The following DYNC2H1 variants were observed in gnomAD, a reference collection of about 807,000 sequenced individuals.
DYNC2H1 encodes cytoplasmic dynein 2 heavy chain 1.
DYNC2H1 carries 410 observed loss-of-function variants against 570.0 expected under a neutral mutation model. The ratio of observed to expected loss-of-function variants is 0.72; its 90% CI spans 0.66 to 0.78. The LOEUF (loss-of-function observed/expected upper bound fraction) is 0.78, where lower values mean the gene tolerates loss of function less well. Among genes scored for constraint, DYNC2H1 ranks in the 30% least tolerant of loss-of-function variants. DYNC2H1 has a pLI of 0.00. For missense variants in DYNC2H1, 4,865 were observed against 5,046.4 expected (o/e 0.96, Z 1.09); for synonymous variants, 1,688 against 1,677.6 (o/e 1.01, Z -0.15).
At chr11:103,290,998 A>G (rs528539403) in intron 75 of DYNC2H1, among the ~76,000 whole-genome samples, 2 of 152,336 alleles carry the variant, frequency 1.3e-5, no homozygotes, top group South Asian at 2.1e-4. Flanking sequence ...CATTTCTCCA[A>G]AAGCAGCCAT....
At chr11:103,235,049 T>A (rs1864169255) in intron 61 of DYNC2H1, among the ~76,000 whole-genome samples, 1 of 151,906 alleles carries the variant, frequency 6.6e-6, no homozygotes, top group Non-Finnish European at 1.5e-5. Flanking sequence ...TATCCTCCTA[T>A]CTGACCCTTT....
At chr11:103,227,549 T>TAA (rs1163833390) in intron 59 of DYNC2H1, among the ~76,000 whole-genome samples, 4 of 152,194 alleles carry the variant, frequency 2.6e-5, no homozygotes, top group African/African-American at 9.7e-5. Flanking sequence ...GAGAGAGTAC[T>TAA]TGATATAATT....
chr11:103,343,236 C>T (rs1940153432), intron 82 of DYNC2H1, among the ~76,000 whole-genome samples: 1 of 152,134 alleles, frequency 6.6e-6, no homozygotes, highest in African/African-American at 2.4e-5. Context: ...GCAGAGCTCT[C>T]AAAGTTAAGT....
rs748084288 is a variant in DYNC2H1 at position 103,170,848 on chromosome 11, A to AT, written c.5152-32dup. On this transcript the variant is annotated intron_variant, in intron 33 of 88. Transcript: ENST00000375735. This position sits in a 1 kb window ranked among gnomAD's most constrained non-coding sequence, Gnocchi z 4.8. ...TTAAGTAGTTATGGAGATTTTGATTATTTTTTAATGACTATAATTTTTATT... is the reference window on the plus strand; with the variant it reads ...TTAAGTAGTTATGGAGATTTTGATTATTTTTTTAATGACTATAATTTTTATT... 1.4e-6 allele frequency: 2 copies of AT among 1,382,890 alleles called. No individual in the cohort carries two copies. Among genetic ancestry groups the AT allele is most frequent in the Admixed American group, 2.6e-5 (1 of 37,978 alleles). 85.7% of individuals were successfully genotyped at this position (1,382,890 alleles called of 1,614,324 possible).
At chr11:103,134,749 G>A (rs1859451852) in intron 15 of DYNC2H1, among the ~76,000 whole-genome samples, 1 of 151,950 alleles carries the variant, frequency 6.6e-6, no homozygotes, top group African/African-American at 2.4e-5. Context: ...AAAAAACAAA[G>A]TTAAGTTTAG....
rs539937893 is a variant in DYNC2H1 at position 103,189,531 on chromosome 11, C to T, written c.7293-141C>T. 1.0e-4 allele frequency: 80 copies of T among 765,122 alleles called. No homozygotes were observed. The African/African-American group carries it at 1.3e-3, about 13-fold the overall frequency. 47.4% of individuals were successfully genotyped at this position (765,122 alleles called of 1,614,324 possible). ...AATGGATCGGGGCGATGAGCCTAGT[C>T]TTAGCCCCCTGGGTAAGCTTTGGAG... is the stretch of plus-strand genomic sequence containing the variant. On this transcript the variant is annotated intron_variant, in intron 44 of 88. Coordinates refer to ENST00000375735, the MANE Select transcript of DYNC2H1 (RefSeq NM_001377.3). This position sits in a 1 kb window ranked among gnomAD's most constrained non-coding sequence, Gnocchi z 4.3.
In DYNC2H1 at chr11:103,116,584, G is replaced by T. The variant is rs1419356003; in HGVS notation, c.636G>T (p.Leu212Phe). Residue 212 changes from leucine (L) to phenylalanine (F), a missense_variant, in exon 5 of 89, where the codon TTG becomes TTT. By Grantham distance (22) the Leu-to-Phe change is conservative (BLOSUM62 0). Around this residue, in one of 5 missense-constraint regions of DYNC2H1, gnomAD observed 1,936 missense variants for 1,962.1 expected, o/e 0.99. Transcript: ENST00000375735. ...TTTTTTTCTAGGAGTTTTATAACTT[G>T]GACAGTCTATCCTTACTAGAAGTTG... ...FETIAREFYNLDSLSLLEVVD... is the reference protein window; with the variant it reads ...FETIAREFYNFDSLSLLEVVD... 4 of 1,582,710 alleles carry T rather than the reference G, an allele frequency of 2.5e-6. No individual in the cohort carries two copies. In the South Asian group the frequency reaches 4.7e-5, roughly 19 times the overall value.
intron 67 of DYNC2H1, 142 bp from the exon 68 acceptor site, chr11:103,255,964 A>C: frequency 1.6e-6 from 1 of 636,724 alleles, no homozygotes; most frequent in Non-Finnish European, 2.5e-6. Context: ...ATAAAACTTT[A>C]AGAGGGCTAT....
chr11:103,132,373 C>A (rs1349362241), intron 13 of DYNC2H1, among the ~76,000 whole-genome samples: 3 of 151,738 alleles, frequency 2.0e-5, no homozygotes, highest in African/African-American at 7.3e-5. Flanking sequence ...TTGAGATTTT[C>A]TGTTTTTCAC....
chr11:103,177,773 A>G lies in DYNC2H1; in HGVS notation c.6092A>G (p.Asp2031Gly), dbSNP rs752364736. Residue 2031 changes from aspartate to glycine, a missense_variant, in exon 38 of 89, where the codon GAT (aspartate) becomes GGT (glycine). Physicochemically the swap from Asp to Gly is moderately conservative, Grantham distance 94 (BLOSUM62 -1). Around this residue, in one of 5 missense-constraint regions of DYNC2H1, gnomAD observed 231 missense variants for 310.3 expected, o/e 0.74. Transcript: ENST00000375735. The surrounding 1 kb of genome is among the most constrained non-coding windows in gnomAD (Gnocchi z 4.4). ...HIDMDTREWS[D>G]GVLTNSARQV... is the part of the protein sequence containing the mutation. ...GACATGGACACAAGAGAATGGTCTG[A>G]TGGTGTTTTGACAAATAGTGCTCGT... 6.2e-7 allele frequency: 1 copy of G among 1,613,074 alleles called. No homozygotes were observed. The highest frequency in any genetic ancestry group is 2.2e-5 in the East Asian group (1 of 44,792).
In DYNC2H1 at chr11:103,153,391, A is replaced by G. The variant is rs767787701; in HGVS notation, c.3185A>G (p.Lys1062Arg). 2 of 1,555,134 alleles carry G rather than the reference A, an allele frequency of 1.3e-6. No homozygotes were observed. The highest frequency in any genetic ancestry group is 1.7e-6 in the Non-Finnish European group (2 of 1,148,888). Reference sequence around the variant, plus strand: ...TTTAAAGCTCGTTGGGACCAACTAAAGCCTGGTGATGATGTTATTGAAACT... The same window carrying G: ...TTTAAAGCTCGTTGGGACCAACTAAGGCCTGGTGATGATGTTATTGAAACT... ...EKFKARWDQL[K>R]PGDDVIETGQ... The change falls in exon 22 of 89, where the codon AAG (lysine) becomes AGG (arginine). Residue 1062 changes from lysine (K) to arginine (R), a missense_variant. By Grantham distance (26) the Lys-to-Arg change is conservative. Transcript: ENST00000375735.
chr11:103,260,012 T>A, intron 70 of DYNC2H1, 35 bp downstream of exon 70: 1 of 1,215,650 alleles, frequency 8.2e-7, no homozygotes, highest in South Asian at 1.5e-5. Context: ...TATAAAATAC[T>A]ACTTGTTCTG....
intron 65 of DYNC2H1, among the ~76,000 whole-genome samples, chr11:103,248,326 A>T (rs1342392922): frequency 1.3e-5 from 2 of 151,998 alleles, no homozygotes; most frequent in Non-Finnish European, 2.9e-5. Flanking sequence ...TGGAATTTGG[A>T]CCTATATGGA....
intron 83 of DYNC2H1, among the ~76,000 whole-genome samples, chr11:103,392,587 G>C (rs1230575970): frequency 6.6e-6 from 1 of 152,170 alleles, no homozygotes; most frequent in African/African-American, 2.4e-5. Context: ...CACGCTGGGA[G>C]CTTTAGACTG....
At chr11:103,143,898 A>G (rs1860098349) in intron 18 of DYNC2H1, among the ~76,000 whole-genome samples, 1 of 152,182 alleles carries the variant, frequency 6.6e-6, no homozygotes, top group African/African-American at 2.4e-5. Flanking sequence ...AATACTCACC[A>G]CTAGAACCAC....
At chr11:103,227,527 C>T (rs906571277) in intron 59 of DYNC2H1, among the ~76,000 whole-genome samples, 5 of 152,056 alleles carry the variant, frequency 3.3e-5, no homozygotes, top group African/African-American at 9.7e-5. Flanking sequence ...CAGTTTTATT[C>T]CACAGTGGTC....
In DYNC2H1 at chr11:103,384,367, T is replaced by C. The variant is rs1281085023; in HGVS notation, c.12157-15296T>C. Among the ~76,000 whole-genome samples, 3 of 152,156 alleles carry C rather than the reference T, an allele frequency of 2.0e-5. No homozygotes were observed. In the East Asian group the frequency reaches 5.8e-4, roughly 29 times the overall value. ...TTGCTAGATATATCCTAATTTATAC[T>C]TTTAACGTTAACTTTCTCGAGTTTT... On this transcript the variant is annotated intron_variant, in intron 83 of 88. Transcript: ENST00000375735.
rs904351484 is a variant in DYNC2H1, at chr11:103,275,492, C to T, written c.10696-4856C>T. Among the ~76,000 whole-genome samples, 2 of 152,128 alleles carry T rather than the reference C, an allele frequency of 1.3e-5. No individual in the cohort carries two copies. Among genetic ancestry groups the T allele is most frequent in the African/African-American group, 4.8e-5 (2 of 41,422 alleles). Reference sequence around the variant, plus strand: ...TCACTGCTCTTAAAATATTCTCTGCCTTATCATTCCTGCTCACTTAACCCC... The same window carrying T: ...TCACTGCTCTTAAAATATTCTCTGCTTTATCATTCCTGCTCACTTAACCCC... On this transcript the variant is annotated intron_variant, in intron 70 of 88. Coordinates refer to ENST00000375735, the MANE Select transcript of DYNC2H1 (RefSeq NM_001377.3). The surrounding 1 kb of genome is among the most constrained non-coding windows in gnomAD (Gnocchi z 4.8).
intron 85 of DYNC2H1, among the ~76,000 whole-genome samples, chr11:103,444,545 C>T (rs1944366698): frequency 6.6e-6 from 1 of 152,046 alleles, no homozygotes; most frequent in Non-Finnish European, 1.5e-5. Flanking sequence ...AATAACAGAT[C>T]CTGGCCAAAT....
Sources: gnomAD v4.1 joint callset for allele counts (sites outside exome capture counted in the v4.1 genomes callset) on GRCh38, gnomAD v4.1.1 for gene constraint, gnomAD v4.1.1 regional missense constraint, Gnocchi (gnomAD v3.1) non-coding constraint, MANE v1.5 for transcripts, NCBI Gene and HGNC (gene_info 2026-07-23, HGNC 2026-07-21) for gene names.